Variants in MYO19 observed in about 807,000 individuals in gnomAD.
The protein encoded by MYO19 is unconventional myosin-XIX.
A neutral mutation model predicts 129.2 loss-of-function variants in MYO19; 132 were observed. The observed-to-expected ratio is 1.02, with a 90% CI of 0.89 to 1.18. The LOEUF is 1.18. Among genes scored for constraint, MYO19 ranks in the 50% most tolerant of loss-of-function variants. The pLI is 0.00. For missense variants in MYO19, 1,210 were observed against 1,216.7 expected, an observed-to-expected ratio of 0.99 and a Z score of 0.08; for synonymous variants, 531 against 477.2, an observed-to-expected ratio of 1.11 and a Z score of -1.47.
At chr17:36,502,810 A>C (rs1938240190) in intron 21 of MYO19, 2 of 482,170 alleles carry the variant, frequency 4.1e-6, no homozygotes, top group Non-Finnish European at 3.7e-6. Flanking sequence ...TATCATGTGG[A>C]CCACCCATCA....
At chr17:36,509,299 C>G in intron 13 of MYO19, 164 bp from the exon 14 acceptor site, 2 of 644,112 alleles carry the variant, frequency 3.1e-6, no homozygotes, top group Non-Finnish European at 5.6e-6. Flanking sequence ...CCTATCACGT[C>G]TTGACCTACT....
At chr17:36,540,076 A>T (rs1284138400) in intron 2 of MYO19, among the ~76,000 whole-genome samples, 1 of 152,126 alleles carries the variant, frequency 6.6e-6, no homozygotes, top group Non-Finnish European at 1.5e-5. Flanking sequence ...AGAAGAAGGA[A>T]GAGCATGGGC....
chr17:36,533,137 C>T (rs1328140192), intron 2 of MYO19: 1 of 152,884 alleles, frequency 6.5e-6, no homozygotes, highest in African/African-American at 2.4e-5. Flanking sequence ...GGGTCAGGCA[C>T]ATCACCTACC....
intron 20 of MYO19, 82 bp from the exon 21 acceptor site, chr17:36,503,282 C>G (rs1220127913): frequency 9.1e-7 from 1 of 1,095,924 alleles, no homozygotes; most frequent in Admixed American, 1.7e-5. Flanking sequence ...AGAAGTTATT[C>G]TATTTAATCT....
rs184124123 is a variant in MYO19 at position 36,513,118 on chromosome 17, G to A, written c.894+311C>T. The A allele has an allele frequency of 1.1e-4, 149 of 1,365,906 alleles. No homozygotes were observed. The African/African-American group carries it at 2.0e-3, about 18-fold the overall frequency. 84.6% of individuals were successfully genotyped at this position (1,365,906 alleles called of 1,614,324 possible). A position where few individuals can be genotyped will look rare whatever the true frequency, so the allele number is the denominator to read the frequency against. ...ATGACTTGTAAGTTTTAATGTACTAGACAAGCAAGGCGGTAGCACTAGTTC... is the reference window on the plus strand; with the variant it reads ...ATGACTTGTAAGTTTTAATGTACTAAACAAGCAAGGCGGTAGCACTAGTTC... On this transcript the variant is annotated intron_variant, in intron 11 of 25. Transcript: ENST00000614623.
chr17:36,513,342 G>C, intron 11 of MYO19, 87 bp downstream of exon 11: 2 of 1,610,350 alleles, frequency 1.2e-6, no homozygotes, highest in Non-Finnish European at 1.7e-6. Flanking sequence ...CTCAGGGAAA[G>C]ACCAACTCCA....
At chr17:36,502,419 C>A (rs1374556984) in intron 21 of MYO19, among the ~76,000 whole-genome samples, 4 of 152,084 alleles carry the variant, frequency 2.6e-5, no homozygotes, top group Admixed American at 6.6e-5. Context: ...TAATTTACTC[C>A]TTTCCTCTCC....
upstream of MYO19, chr17:36,537,553 T>G (rs1567808733): frequency 6.2e-7 from 1 of 1,614,198 alleles, no homozygotes; most frequent in African/African-American, 1.3e-5. Flanking sequence ...GACTTCCCAC[T>G]TTTTCCCAGA....
At chr17:36,519,314 A>G (rs2072997708) in intron 6 of MYO19, among the ~76,000 whole-genome samples, 1 of 152,220 alleles carries the variant, frequency 6.6e-6, no homozygotes. Flanking sequence ...TCACCCATTT[A>G]TCATTATGAA....
chr17:36,506,417 GTT>G (rs3050532), intron 18 of MYO19, 37 bp downstream of exon 18: 227,367 of 1,611,840 alleles, frequency 0.14, 18,868 homozygotes, highest in African/African-American at 0.33. Flanking sequence ...AGACCGTGGA[GTT>G]TGAACCAAGC....
upstream of MYO19, chr17:36,537,515 G>A (rs766527600): frequency 9.3e-6 from 15 of 1,613,982 alleles, no homozygotes; most frequent in African/African-American, 1.1e-4. Flanking sequence ...TTACCAGTGC[G>A]TTTACTGCTA....
Position 36,525,218 on chromosome 17 carries a change from G to T in MYO19, c.414+10C>A. The T allele has an allele frequency of 1.3e-6, 2 of 1,599,938 alleles. No homozygotes were observed. The highest frequency in any genetic ancestry group is 1.7e-6 in the Non-Finnish European group (2 of 1,167,398). ...CGTGAGTTGACAGGATGGGAAAGAC[G>T]TCTTCCTACCTTTCCAGCACCACTC... On this transcript the variant is annotated intron_variant, in intron 6 of 25. Transcript: ENST00000614623.
intron 6 of MYO19, among the ~76,000 whole-genome samples, chr17:36,520,430 C>T (rs1440855261): frequency 6.6e-6 from 1 of 152,080 alleles, no homozygotes; most frequent in East Asian, 1.9e-4. Context: ...ACTTTTGACC[C>T]ATGTCCTCTC....
At chr17:36,506,350 G>T in intron 18 of MYO19, 106 bp downstream of exon 18, 1 of 1,421,650 alleles carries the variant, frequency 7.0e-7, no homozygotes, top group Non-Finnish European at 9.9e-7. Context: ...TACTTGACTT[G>T]CCACTGCTCC....
At position 36,507,580 on chromosome 17, in the gene MYO19, G is replaced by A. The variant is rs116310067; in HGVS notation, c.1354-68C>T. Reference sequence around the variant, plus strand: ...TCTGATGTCCTGACGGGCCATCCACGGCTGGCCTCGGTACCACAGCGTATT... The same window carrying A: ...TCTGATGTCCTGACGGGCCATCCACAGCTGGCCTCGGTACCACAGCGTATT... On this transcript the variant is annotated intron_variant, in intron 15 of 25. Transcript: ENST00000614623. The A allele has an allele frequency of 8.6e-4, 1,288 of 1,500,090 alleles. 11 individuals are homozygous for A. In the African/African-American group the frequency reaches 0.014, roughly 16 times the overall value. 92.9% of individuals were successfully genotyped at this position (1,500,090 alleles called of 1,614,324 possible).
In MYO19 at chr17:36,513,632, C is replaced by A. The variant is rs57347195; in HGVS notation, c.814G>T (p.Glu272Ter). Residue 272 changes from glutamate (E) to a stop codon, truncating the protein, a stop_gained, in exon 10 of 26, where the codon GAA (glutamate) becomes TAA (stop). Transcript: ENST00000614623. LOFTEE classifies it high-confidence loss of function. ...SWLPNPERSL[E>*]EDCFEVTREA... ...TGCTGGATGGGGCTCCCCTTACCTT[C>A]TAAGCTCCTCTCTGGGTTGGGCAGC... 4.0e-5 allele frequency: 64 copies of A among 1,613,904 alleles called. No individual in the cohort carries two copies. The highest frequency in any genetic ancestry group is 4.9e-5 in the Non-Finnish European group (58 of 1,179,896).
Position 36,496,212 on chromosome 17 carries a change from G to A in MYO19, c.*39C>T, listed in dbSNP as rs750681757. 13 of 1,609,652 alleles carry A rather than the reference G, an allele frequency of 8.1e-6. No homozygotes were observed. Among genetic ancestry groups the A allele is most frequent in the Non-Finnish European group, 1.1e-5 (13 of 1,177,012 alleles). On this transcript the variant is annotated 3_prime_UTR_variant, in exon 26 of 26. Transcript: ENST00000614623. ...GATTAAATGTCTTTGGCAAGGCAGGGGGCAGGAAAAGGCCTTGTGGAAACA... is the reference window on the plus strand; with the variant it reads ...GATTAAATGTCTTTGGCAAGGCAGGAGGCAGGAAAAGGCCTTGTGGAAACA...
In MYO19 at chr17:36,505,319, G is replaced by A. The variant is rs1028003487; in HGVS notation, c.1883C>T (p.Ala628Val). The change falls in exon 19 of 26, where the codon GCG (alanine) becomes GTG (valine). Residue 628 changes from alanine to valine, a missense_variant. Transcript: ENST00000614623. ...RCIKPNSQGQAQTFLQEEVLS... is the reference protein window; with the variant it reads ...RCIKPNSQGQVQTFLQEEVLS... ...TACCTCCTCTTGGAGAAAGGTCTGC[G>A]CCTGGCCCTGGCTGTTGGGCTTGAT... 3.7e-6 allele frequency: 6 copies of A among 1,614,086 alleles called. No homozygotes were observed. The highest frequency in any genetic ancestry group is 2.2e-5 in the East Asian group (1 of 44,900).
chr17:36,524,238 CTT>C (rs1394861485), intron 6 of MYO19, among the ~76,000 whole-genome samples: 1 of 152,150 alleles, frequency 6.6e-6, no homozygotes, highest in Non-Finnish European at 1.5e-5. Flanking sequence ...AACTTACTGT[CTT>C]TGTTTTCTTA....
Sources: gnomAD v4.1 joint callset for allele counts (sites outside exome capture counted in the v4.1 genomes callset) on GRCh38, gnomAD v4.1.1 for gene constraint, MANE v1.5 for transcripts, NCBI Gene and HGNC (gene_info 2026-07-23, HGNC 2026-07-21) for gene names.